CSMD3: variants seen among roughly 807,000 people sequenced by gnomAD.
The protein encoded by CSMD3 is CUB and sushi domain-containing protein 3.
Under a neutral mutation model 435.2 loss-of-function variants are expected in CSMD3, and 177 were observed. The ratio of observed to expected loss-of-function variants is 0.41; its 90% CI spans 0.36 to 0.46. The LOEUF (loss-of-function observed/expected upper bound fraction) is 0.46. Ranked by LOEUF, CSMD3 falls within the 20% of genes least tolerant of loss-of-function variation. The pLI, the probability that CSMD3 is intolerant of heterozygous loss-of-function variation, is 0.34. For synonymous variants in CSMD3, 1,656 were observed against 1,520.5 expected, an observed-to-expected ratio of 1.09 and a Z score of -2.07; for missense variants, 4,265 against 4,504.6, an observed-to-expected ratio of 0.95 and a Z score of 1.52.
intron 13 of CSMD3, among the ~76,000 whole-genome samples, chr8:112,712,390 G>A (rs180725054): frequency 2.0e-4 from 30 of 152,178 alleles, no homozygotes; most frequent in East Asian, 3.9e-4. Flanking sequence ...TCTTTTTACC[G>A]TGTAAGTGGT....
intron 18 of CSMD3, among the ~76,000 whole-genome samples, chr8:112,652,082 T>C (rs1000919169): frequency 6.6e-6 from 1 of 152,206 alleles, no homozygotes; most frequent in African/African-American, 2.4e-5. Flanking sequence ...AACATGTTTT[T>C]TCATTGCTTT....
rs1427057619 is a variant in CSMD3, at chr8:113,269,464, C to A, written c.514+9128G>T. 5.3e-5 allele frequency among the ~76,000 whole-genome samples: 8 copies of A among 152,072 alleles called. No homozygotes were observed. The South Asian group carries it at 1.5e-3, about 28-fold the overall frequency. ...CACAGAATTGGAAAAAACGACATTACAGTTCATATGGAACCAAAAAAGAGC... is the reference window on the plus strand; with the variant it reads ...CACAGAATTGGAAAAAACGACATTAAAGTTCATATGGAACCAAAAAAGAGC... On this transcript the variant is annotated intron_variant, in intron 3 of 70. Transcript: ENST00000297405.
At chr8:112,495,413 C>T (rs1352323439) in intron 30 of CSMD3, among the ~76,000 whole-genome samples, 1 of 152,152 alleles carries the variant, frequency 6.6e-6, no homozygotes, top group Non-Finnish European at 1.5e-5. Flanking sequence ...AACTGTAATG[C>T]AAGCATCCGG....
intron 21 of CSMD3, 91 bp from the exon 22 acceptor site, chr8:112,637,096 T>G: frequency 2.0e-6 from 2 of 1,010,600 alleles, no homozygotes; most frequent in Non-Finnish European, 1.6e-6. Flanking sequence ...CCTATTGTTT[T>G]TAGAACCTAG....
intron 4 of CSMD3, among the ~76,000 whole-genome samples, chr8:113,128,586 T>C (rs2091203699): frequency 6.6e-6 from 1 of 152,012 alleles, no homozygotes; most frequent in Admixed American, 6.6e-5. Flanking sequence ...ATACAAATCA[T>C]ACATATATTT....
At chr8:112,470,730 G>A (rs1389907793) in intron 32 of CSMD3, among the ~76,000 whole-genome samples, 1 of 151,964 alleles carries the variant, frequency 6.6e-6, no homozygotes, top group East Asian at 1.9e-4. Context: ...GTCTCAAAGA[G>A]ATTACGTAAC....
chr8:112,994,053 T>C (rs1486301104), intron 6 of CSMD3, among the ~76,000 whole-genome samples: 1 of 151,754 alleles, frequency 6.6e-6, no homozygotes, highest in East Asian at 1.9e-4. Flanking sequence ...AGTCAGAGAT[T>C]ACACCAAGGA....
At chr8:112,245,799 A>G (rs1348964894) in intron 64 of CSMD3, among the ~76,000 whole-genome samples, 1 of 152,168 alleles carries the variant, frequency 6.6e-6, no homozygotes, top group African/African-American at 2.4e-5. Context: ...CGGCCTCCCA[A>G]AGTGCTAGGA....
intron 22 of CSMD3, among the ~76,000 whole-genome samples, chr8:112,621,509 A>C (rs1266160948): frequency 6.6e-6 from 1 of 151,928 alleles, no homozygotes; most frequent in African/African-American, 2.4e-5. Flanking sequence ...CATTTTCTCA[A>C]TCTCCACTCT....
chr8:112,403,363 A>T (rs1831497091), intron 35 of CSMD3, among the ~76,000 whole-genome samples: 1 of 152,228 alleles, frequency 6.6e-6, no homozygotes, highest in Admixed American at 6.5e-5. Flanking sequence ...TAACAGTTCC[A>T]TAGATTTGTC....
At chr8:112,410,606 A>ATATATATAAGTATATATATATGTG (rs1832269881) in intron 32 of CSMD3, among the ~76,000 whole-genome samples, 1 of 53,086 alleles carries the variant, frequency 1.9e-5, no homozygotes, top group Non-Finnish European at 3.7e-5. Context: ...ATATATGTGT[A>ATATATATAAGTATATATATATGTG]TATATATATG....
chr8:113,148,539 G>A (rs2091731543), intron 4 of CSMD3, among the ~76,000 whole-genome samples: 1 of 151,738 alleles, frequency 6.6e-6, no homozygotes, highest in South Asian at 2.1e-4. Context: ...TTCCTGTTGT[G>A]TTCACAACTA....
intron 32 of CSMD3, among the ~76,000 whole-genome samples, chr8:112,423,415 G>C: frequency 6.6e-6 from 1 of 152,076 alleles, no homozygotes; most frequent in East Asian, 1.9e-4. Context: ...TTACTATTTG[G>C]TATGTGCAAA....
chr8:112,231,706 C>A, intron 68 of CSMD3, 74 bp from the exon 69 acceptor site: 1 of 901,960 alleles, frequency 1.1e-6, no homozygotes, highest in South Asian at 1.3e-5. Flanking sequence ...AATAAATACA[C>A]AATTTTATTC....
At chr8:113,095,622 G>T (rs555021504) in intron 5 of CSMD3, among the ~76,000 whole-genome samples, 1 of 151,894 alleles carries the variant, frequency 6.6e-6, no homozygotes, top group South Asian at 2.1e-4. Context: ...ATGTCTGTGG[G>T]ATCTGTATTA....
intron 31 of CSMD3, among the ~76,000 whole-genome samples, chr8:112,488,378 G>A (rs570463057): frequency 7.2e-5 from 11 of 152,222 alleles, no homozygotes; most frequent in African/African-American, 2.2e-4. Context: ...TCTAGGGTGC[G>A]ACTAAGGCAA....
intron 30 of CSMD3, among the ~76,000 whole-genome samples, chr8:112,496,944 A>G (rs1167369581): frequency 1.3e-5 from 2 of 152,196 alleles, no homozygotes; most frequent in Non-Finnish European, 2.9e-5. Context: ...AAAAATAACT[A>G]AAAGAGTATA....
intron 1 of CSMD3, among the ~76,000 whole-genome samples, chr8:113,366,357 T>C (rs551120511): frequency 2.0e-4 from 30 of 152,070 alleles, no homozygotes; most frequent in Admixed American, 8.5e-4. Context: ...TTTGCTTCTA[T>C]AGAGTACCTC....
At chr8:112,776,473 T>G (rs1004031311) in intron 13 of CSMD3, among the ~76,000 whole-genome samples, 2 of 151,862 alleles carry the variant, frequency 1.3e-5, no homozygotes, top group African/African-American at 4.8e-5. Flanking sequence ...CTTTCTTTCA[T>G]TTACTTTTGG....
Sources: gnomAD v4.1 joint callset for allele counts (sites outside exome capture counted in the v4.1 genomes callset) on GRCh38, gnomAD v4.1.1 for gene constraint, MANE v1.5 for transcripts, NCBI Gene and HGNC (gene_info 2026-07-23, HGNC 2026-07-21) for gene names.